Variants in MORF4L1 observed in about 807,000 individuals in gnomAD.
The protein encoded by MORF4L1 is mortality factor 4-like protein 1.
In MORF4L1, 4 loss-of-function variants were observed where a neutral mutation model predicts 52.9. The observed-to-expected ratio is 0.08, with a 90% CI of 0.04 to 0.17. The LOEUF (loss-of-function observed/expected upper bound fraction) is 0.17, where lower values mean the gene tolerates loss of function less well. Ranked by LOEUF, MORF4L1 falls within the 10% of genes least tolerant of loss-of-function variation. The pLI is 1.00. For missense variants in MORF4L1, 214 were observed against 390.4 expected, an observed-to-expected ratio of 0.55 and a Z score of 3.81; for synonymous variants, 123 against 134.8, an observed-to-expected ratio of 0.91 and a Z score of 0.61.
intron 11 of MORF4L1, among the ~76,000 whole-genome samples, chr15:78,896,094 T>G (rs1424506572): frequency 2.0e-5 from 3 of 152,090 alleles, no homozygotes; most frequent in Admixed American, 6.5e-5. Context: ...TTCTTGGGCC[T>G]CAGCCTCCCA....
chr15:78,872,890 A>G lies in MORF4L1; in HGVS notation c.-128A>G. 2.1e-6 allele frequency: 3 copies of G among 1,442,842 alleles called. No homozygotes were observed. Among genetic ancestry groups the G allele is most frequent in the South Asian group, 2.9e-5 (2 of 68,078 alleles). The allele number at this position is 1,442,842 out of a possible 1,614,324, so 89.4% of individuals were successfully genotyped here. ...TGCTGTGAGGTCTGCGGGCGCTGGC[A>G]AATCCGGCCCAGGATGTAGAGCTGG... On this transcript the variant is annotated 5_prime_UTR_variant, in exon 1 of 12. Transcript: ENST00000426013.
chr15:78,874,540 G>T (rs1218676063), intron 1 of MORF4L1, among the ~76,000 whole-genome samples: 8 of 143,266 alleles, frequency 5.6e-5, no homozygotes, highest in African/African-American at 2.1e-4. Flanking sequence ...GTTTTGTTCT[G>T]TTTTGTTTTT....
At chr15:78,886,880 G>C (rs1000908059) in intron 4 of MORF4L1, among the ~76,000 whole-genome samples, 32 of 151,722 alleles carry the variant, frequency 2.1e-4, no homozygotes, top group Admixed American at 2.1e-3. Flanking sequence ...GCGTGAACCC[G>C]GGAGGCAGAG....
chr15:78,891,781 G>T, intron 7 of MORF4L1: 1 of 521,426 alleles, frequency 1.9e-6, no homozygotes, highest in South Asian at 3.0e-5. Flanking sequence ...TTGATCATTT[G>T]TTGTGTAAGC....
chr15:78,873,943 CA>C (rs2056426389), intron 1 of MORF4L1: 1 of 152,208 alleles, frequency 6.6e-6, no homozygotes, highest in South Asian at 2.1e-4. Context: ...GCCTCGACGT[CA>C]TTTTTTAAAT....
intron 6 of MORF4L1, 125 bp downstream of exon 6, chr15:78,891,139 C>T: frequency 1.7e-6 from 2 of 1,172,316 alleles, no homozygotes; most frequent in Non-Finnish European, 2.4e-6. Context: ...AGGAGTCTCA[C>T]AGCAGTGTTA....
intron 8 of MORF4L1, 144 bp downstream of exon 8, chr15:78,892,457 TTAGAAC>T (rs1250391988): frequency 2.3e-5 from 12 of 517,000 alleles, no homozygotes; most frequent in Non-Finnish European, 4.2e-5. Context: ...GCTGAACACT[TTAGAAC>T]TACTACCAGA....
chr15:78,882,115 C>T (rs773724445), intron 3 of MORF4L1, among the ~76,000 whole-genome samples: 43 of 152,294 alleles, frequency 2.8e-4, no homozygotes, highest in South Asian at 8.3e-4. Context: ...CATAGAAGTG[C>T]ATCCTGACAA....
intron 1 of MORF4L1, 69 bp from the exon 2 acceptor site, chr15:78,878,144 C>T (rs775017461): frequency 3.4e-6 from 5 of 1,481,344 alleles, no homozygotes; most frequent in African/African-American, 2.8e-5. Context: ...AGTGTGATGA[C>T]TCTCTAAGAT....
At chr15:78,881,370 T>C (rs552380928) in intron 3 of MORF4L1, among the ~76,000 whole-genome samples, 2 of 152,006 alleles carry the variant, frequency 1.3e-5, no homozygotes, top group African/African-American at 4.8e-5. Flanking sequence ...TAATTTTTTG[T>C]ATTTTTAGTA....
chr15:78,880,031 C>T (rs2056573026), intron 2 of MORF4L1, among the ~76,000 whole-genome samples: 1 of 152,154 alleles, frequency 6.6e-6, no homozygotes, highest in Non-Finnish European at 1.5e-5. Context: ...TCTAGTAATT[C>T]CTTTTGTCTG....
Position 78,897,012 on chromosome 15 carries a change from T to G in MORF4L1, c.917T>G (p.Phe306Cys), listed in dbSNP as rs747923536. ...KYLAKNSATL[F>C]SASDYEVAPP... is the part of the protein sequence containing the mutation. ...CTGGCAAAGAATTCTGCAACTTTGT[T>G]CAGTGCCAGCGATTATGAAGTGGCT... Residue 306 changes from phenylalanine to cysteine, a missense_variant, in exon 12 of 12, where the codon TTC (phenylalanine) becomes TGC (cysteine). Phe to Cys is a radical substitution (Grantham distance 205). Transcript: ENST00000426013. The G allele has an allele frequency of 2.2e-5, 35 of 1,613,046 alleles. No homozygotes were observed. The highest frequency in any genetic ancestry group is 2.8e-5 in the Non-Finnish European group (33 of 1,179,656).
At chr15:78,884,958 C>G (rs199611414) in intron 3 of MORF4L1, 1 of 1,605,126 alleles carries the variant, frequency 6.2e-7, no homozygotes, top group Non-Finnish European at 8.5e-7. Flanking sequence ...ACTATGCTGT[C>G]TGTATCAGAA....
At chr15:78,895,054 G>A (rs1431972581) in intron 11 of MORF4L1, 150 bp downstream of exon 11, 1 of 648,956 alleles carries the variant, frequency 1.5e-6, no homozygotes, top group Non-Finnish European at 2.7e-6. Flanking sequence ...GCAAACACAT[G>A]GGAGTCTCAG....
At position 78,886,231 on chromosome 15, in the gene MORF4L1, A is replaced by G; in HGVS notation, c.242+4A>G. 1 of 1,610,916 alleles carries G rather than the reference A, an allele frequency of 6.2e-7. No homozygotes were observed. Among genetic ancestry groups the G allele is most frequent in the Non-Finnish European group, 8.5e-7 (1 of 1,177,052 alleles). On this transcript the variant is annotated splice_donor_region_variant and intron_variant, in intron 4 of 11. Coordinates refer to ENST00000426013, the MANE Select transcript of MORF4L1 (RefSeq NM_006791.4). Reference sequence around the variant, plus strand: ...GAGAACTTCAAAAAGCCAATCAGTAAGTTTGTTTTGTGAACTGAATATTAA... The same window carrying G: ...GAGAACTTCAAAAAGCCAATCAGTAGGTTTGTTTTGTGAACTGAATATTAA...
At chr15:78,893,472 CTTGCCTGGTATGAT>C in intron 8 of MORF4L1, 53 bp from the exon 9 acceptor site, 2 of 1,053,120 alleles carry the variant, frequency 1.9e-6, no homozygotes, top group East Asian at 4.8e-5. Context: ...TGTATAAAAA[CTTGCCTGGTATGAT>C]TTTTCTTTAA....
chr15:78,885,209 A>G, intron 3 of MORF4L1: 1 of 713,934 alleles, frequency 1.4e-6, no homozygotes, highest in East Asian at 3.0e-5. Context: ...AAAGTCTTAA[A>G]TTTTTTTTTG....
intron 5 of MORF4L1, chr15:78,890,692 G>A (rs948503129): frequency 2.6e-5 from 5 of 195,096 alleles, no homozygotes; most frequent in Non-Finnish European, 5.1e-5. Context: ...ATGTTGCCCA[G>A]GCTGGTCTGG....
At chr15:78,873,295 G>A in intron 1 of MORF4L1, 2 of 1,313,906 alleles carry the variant, frequency 1.5e-6, no homozygotes, top group Non-Finnish European at 2.0e-6. Flanking sequence ...AGCGTTTGGC[G>A]CGTGGCACAC....
Sources: allele counts gnomAD v4.1 joint callset (sites outside exome capture counted in the v4.1 genomes callset), GRCh38; gene constraint gnomAD v4.1.1; transcripts MANE v1.5; gene names NCBI Gene and HGNC (gene_info 2026-07-23, HGNC 2026-07-21).